The following PCDH15 variants were observed in gnomAD, a reference collection of about 807,000 sequenced individuals.
PCDH15 encodes the protein protocadherin related 15, also known as protocadherin-15.
In PCDH15, 129 loss-of-function variants were observed where a neutral mutation model predicts 178.5. That is an observed-to-expected ratio of 0.72 (90% confidence interval 0.63 to 0.84). The LOEUF is 0.84. Among genes scored for constraint, PCDH15 ranks in the 40% least tolerant of loss-of-function variants. The pLI, the probability that PCDH15 is intolerant of heterozygous loss-of-function variation, is 0.00. For synonymous variants in PCDH15, 800 were observed against 732.0 expected, an observed-to-expected ratio of 1.09 and a Z score of -1.50; for missense variants, 2,230 against 2,099.9, an observed-to-expected ratio of 1.06 and a Z score of -1.21.
At chr10:54,009,500 C>T (rs868680216) in intron 20 of PCDH15, among the ~76,000 whole-genome samples, 3 of 152,066 alleles carry the variant, frequency 2.0e-5, no homozygotes, top group South Asian at 2.1e-4. Flanking sequence ...AAAAAGACAG[C>T]GAAAGAGGTG....
At chr10:54,316,124 G>A (rs532300903) in intron 8 of PCDH15, among the ~76,000 whole-genome samples, 10 of 152,026 alleles carry the variant, frequency 6.6e-5, no homozygotes, top group African/African-American at 2.4e-4. Context: ...TTTATCCAAT[G>A]CACATAACTA....
intron 2 of PCDH15, among the ~76,000 whole-genome samples, chr10:55,073,437 G>A (rs1047266940): frequency 5.9e-5 from 9 of 152,112 alleles, no homozygotes; most frequent in African/African-American, 2.2e-4. Flanking sequence ...AAAATCACAA[G>A]CATTCTTATA....
intron 2 of PCDH15, among the ~76,000 whole-genome samples, chr10:55,136,272 G>A (rs1296952521): frequency 1.3e-5 from 2 of 152,024 alleles, no homozygotes; most frequent in Non-Finnish European, 1.5e-5. Context: ...ACATTTGCTG[G>A]CAAATGTTTT....
chr10:54,036,061 G>T (rs2093409797), intron 18 of PCDH15, among the ~76,000 whole-genome samples: 2 of 151,842 alleles, frequency 1.3e-5, no homozygotes, highest in African/African-American at 4.8e-5. Flanking sequence ...GAAGGAAGCT[G>T]CAGAAGAAAA....
At chr10:55,277,505 A>G (rs188603634) in intron 1 of PCDH15, among the ~76,000 whole-genome samples, 13 of 152,220 alleles carry the variant, frequency 8.5e-5, no homozygotes, top group Admixed American at 5.9e-4. Context: ...ATTCTGAAAT[A>G]TATCGCAGAG....
At chr10:54,394,365 CAGAGTACAAA>C (rs747421229) in intron 3 of PCDH15, among the ~76,000 whole-genome samples, 4 of 152,038 alleles carry the variant, frequency 2.6e-5, no homozygotes, top group Admixed American at 6.6e-5. Flanking sequence ...AGTAAAGGGA[CAGAGTACAAA>C]AGAGAAAAAT....
intron 1 of PCDH15, among the ~76,000 whole-genome samples, chr10:55,206,402 C>A (rs1185586666): frequency 6.6e-6 from 1 of 152,100 alleles, no homozygotes; most frequent in Non-Finnish European, 1.5e-5. Flanking sequence ...GTATGGTGCA[C>A]TCCACAGACA....
At chr10:54,869,859 T>G (rs2131792498) in intron 3 of PCDH15, among the ~76,000 whole-genome samples, 1 of 152,276 alleles carries the variant, frequency 6.6e-6, no homozygotes, top group Admixed American at 6.5e-5. Context: ...CTTTAAATAC[T>G]GACACATTTT....
rs935186768 is a variant in PCDH15, at chr10:55,589,848, C to G, written c.-156+37777G>C. Among the ~76,000 whole-genome samples, 9 of 150,576 alleles carry G rather than the reference C, an allele frequency of 6.0e-5. No individual in the cohort carries two copies. In the East Asian group the frequency reaches 7.9e-4, roughly 13 times the overall value. ...GAGAGGATGTGGGGAAATAGGAACA[C>G]TTTTACACTGTTGGTGGGACTGTAA... On this transcript the variant is annotated intron_variant, in intron 2 of 5. Coordinates refer to the PCDH15 transcript ENST00000613346.
chr10:53,981,423 A>G lies in PCDH15; in HGVS notation c.2868+14226T>C, dbSNP rs186295493. Among the ~76,000 whole-genome samples, 461 of 152,322 alleles carry G rather than the reference A, an allele frequency of 3.0e-3. 4 individuals are homozygous for G. Among genetic ancestry groups the G allele is most frequent in the Non-Finnish European group, 3.8e-3 (260 of 68,028 alleles). ...ACGCTACCTGACTTCAAACTATACT[A>G]CAAGGCTACAGTAACCAAAACAGCA... On this transcript the variant is annotated intron_variant, in intron 21 of 37. Coordinates refer to ENST00000644397, the MANE Select transcript of PCDH15 (RefSeq NM_001384140.1).
intron 21 of PCDH15, among the ~76,000 whole-genome samples, chr10:53,985,898 A>T (rs978934824): frequency 1.3e-5 from 2 of 152,244 alleles, no homozygotes; most frequent in African/African-American, 4.8e-5. Context: ...CATAAAAAAA[A>T]GATAGTTAAT....
rs906335087 is a variant in PCDH15, at chr10:54,572,111, G to A, written c.92-44234C>T. On this transcript the variant is annotated intron_variant, in intron 2 of 37. Transcript: ENST00000644397. ...TATGAGAATTAGATGACGAAATACC[G>A]TGTTTGTCATGTAGGAAGGTATAAT... Among the ~76,000 whole-genome samples the A allele has an allele frequency of 2.2e-4, 33 of 152,052 alleles. 1 individual carries two copies. Among genetic ancestry groups the A allele is most frequent in the African/African-American group, 7.2e-5 (3 of 41,418 alleles).
At chr10:54,977,732 C>A (rs938165570) in intron 2 of PCDH15, among the ~76,000 whole-genome samples, 1 of 152,128 alleles carries the variant, frequency 6.6e-6, no homozygotes, top group African/African-American at 2.4e-5. Flanking sequence ...TCCCTGAATT[C>A]TTTCTTGTGC....
At chr10:55,366,930 T>A (rs888459877) in intron 2 of PCDH15, among the ~76,000 whole-genome samples, 1 of 151,864 alleles carries the variant, frequency 6.6e-6, no homozygotes, top group Non-Finnish European at 1.5e-5. Flanking sequence ...TGCGTGTGTG[T>A]GTGTGTGTGT....
At chr10:54,317,599 AC>A (rs1424569359) in intron 7 of PCDH15, among the ~76,000 whole-genome samples, 158 bp from the exon 8 acceptor site, 1 of 152,042 alleles carries the variant, frequency 6.6e-6, no homozygotes, top group Non-Finnish European at 1.5e-5. Context: ...ACATGGTGAA[AC>A]CCCGTCTCCA....
intron 2 of PCDH15, among the ~76,000 whole-genome samples, chr10:55,624,460 A>G (rs1208106816): frequency 6.6e-6 from 1 of 150,760 alleles, no homozygotes; most frequent in African/African-American, 2.5e-5. Flanking sequence ...TTGATATAGC[A>G]TAAGACAACT....
intron 2 of PCDH15, among the ~76,000 whole-genome samples, chr10:54,633,376 T>C (rs1477460891): frequency 6.6e-6 from 1 of 152,092 alleles, no homozygotes; most frequent in Non-Finnish European, 1.5e-5. Context: ...TTTTCAGAAG[T>C]TGCCCTAATC....
At chr10:54,279,190 T>C (rs1239339521) in intron 8 of PCDH15, among the ~76,000 whole-genome samples, 1 of 151,482 alleles carries the variant, frequency 6.6e-6, no homozygotes, top group Non-Finnish European at 1.5e-5. Flanking sequence ...TTGAAATAGA[T>C]GGGCATGTTA....
chr10:54,814,053 A>T (rs775475682), intron 3 of PCDH15, among the ~76,000 whole-genome samples: 2 of 152,202 alleles, frequency 1.3e-5, no homozygotes, highest in African/African-American at 2.4e-5. Context: ...CCTCCCACAC[A>T]TATATTATGC....
Sources: allele counts gnomAD v4.1 joint callset (sites outside exome capture counted in the v4.1 genomes callset), GRCh38; gene constraint gnomAD v4.1.1; transcripts MANE v1.5; gene names NCBI Gene and HGNC (gene_info 2026-07-23, HGNC 2026-07-21).